LPGAT1: variants seen among roughly 807,000 people sequenced by gnomAD.
LPGAT1 encodes the protein lysophosphatidylglycerol acyltransferase 1.
LPGAT1 carries 11 observed loss-of-function variants against 47.5 expected under a neutral mutation model. That is an observed-to-expected ratio of 0.23 (90% CI 0.15 to 0.38). LPGAT1 has a LOEUF of 0.38. Among genes scored for constraint, LPGAT1 ranks in the 10% least tolerant of loss-of-function variants. LPGAT1 has a pLI of 1.00. For synonymous variants in LPGAT1, 138 were observed against 144.2 expected (o/e 0.96, Z 0.31); for missense variants, 293 against 439.0 (o/e 0.67, Z 2.97).
At chr1:211,785,826 C>T (rs1310291406) in intron 4 of LPGAT1, among the ~76,000 whole-genome samples, 11 of 151,990 alleles carry the variant, frequency 7.2e-5, no homozygotes, top group East Asian at 1.9e-4. Context: ...AGGCTGGCCT[C>T]GAACTCCTGG....
At position 211,830,381 on chromosome 1, in the gene LPGAT1, C is replaced by T. The variant is rs983856153; in HGVS notation, c.-28+192G>A. Reference sequence around the variant, plus strand: ...TCAGAGGCCGGACCTGTCACCCGGGCGGGTCCCGGGGAGGCGGGCGGATGC... The same window carrying T: ...TCAGAGGCCGGACCTGTCACCCGGGTGGGTCCCGGGGAGGCGGGCGGATGC... On this transcript the variant is annotated intron_variant, in intron 1 of 7. Coordinates refer to ENST00000366997, the MANE Select transcript of LPGAT1 (RefSeq NM_014873.3). The surrounding 1 kb of genome is among the most constrained non-coding windows in gnomAD (Gnocchi z 5.9). 5.7e-5 allele frequency: 67 copies of T among 1,167,878 alleles called. No individual in the cohort carries two copies. The highest frequency in any genetic ancestry group is 9.7e-5 in the African/African-American group (6 of 61,890). 72.3% of individuals were successfully genotyped at this position (1,167,878 alleles called of 1,614,324 possible).
At chr1:211,754,699 A>G (rs1657362417) in intron 6 of LPGAT1, among the ~76,000 whole-genome samples, 2 of 152,124 alleles carry the variant, frequency 1.3e-5, no homozygotes, top group African/African-American at 2.4e-5. Context: ...GGATTTGAAA[A>G]TTATAATGAT....
chr1:211,825,821 G>A (rs577212910), intron 2 of LPGAT1, among the ~76,000 whole-genome samples: 101 of 152,252 alleles, frequency 6.6e-4, no homozygotes, highest in Admixed American at 1.3e-3. Flanking sequence ...TTAGCTGGGT[G>A]TGGTGGCACA....
rs868618381 is a variant in LPGAT1, at chr1:211,747,448, T to C, written c.*2451A>G. ...CGTACTTGAAAAGTAAAGCATCTTA[T>C]AGAATAGTTTAATGTGTACAGTATA... is the stretch of plus-strand genomic sequence containing the variant. On this transcript the variant is annotated 3_prime_UTR_variant, in exon 8 of 8. Coordinates refer to ENST00000366997, the MANE Select transcript of LPGAT1 (RefSeq NM_014873.3). The C allele has an allele frequency of 6.6e-6, 1 of 152,204 alleles. No homozygotes were observed. The highest frequency in any genetic ancestry group is 2.4e-5 in the African/African-American group (1 of 41,450). 9.4% of individuals were successfully genotyped at this position (152,204 alleles called of 1,614,324 possible). A position where few individuals can be genotyped will look rare whatever the true frequency, so the allele number is the denominator to read the frequency against.
intron 6 of LPGAT1, among the ~76,000 whole-genome samples, chr1:211,770,779 T>C (rs1198159563): frequency 1.3e-5 from 2 of 152,150 alleles, no homozygotes; most frequent in Non-Finnish European, 2.9e-5. Flanking sequence ...TAGCTCCATA[T>C]ATAGTAGGCG....
Position 211,774,132 on chromosome 1 carries a change from C to CTTTTTTTTTTTTTTTTTTTTTTTTTTTTT in LPGAT1, c.854+4785_854+4786insAAAAAAAAAAAAAAAAAAAAAAAAAAAAA, listed in dbSNP as rs67342051. Among the ~76,000 whole-genome samples, 7 of 66,826 alleles carry CTTTTTTTTTTTTTTTTTTTTTTTTTTTTT rather than the reference C, an allele frequency of 1.0e-4. 1 individual carries two copies. Among genetic ancestry groups the CTTTTTTTTTTTTTTTTTTTTTTTTTTTTT allele is most frequent in the East Asian group, 6.2e-4 (1 of 1,612 alleles). 43.8% of individuals were successfully genotyped at this position (66,826 alleles called of 152,430 possible). On this transcript the variant is annotated intron_variant, in intron 6 of 7. Coordinates refer to ENST00000366997, the MANE Select transcript of LPGAT1 (RefSeq NM_014873.3). ...AAAGTGCTTTGTGTTTTTTAAAAGT[C>CTTTTTTTTTTTTTTTTTTTTTTTTTTTTT]TTTTTTTTTTTTTTTTTTTTGAGAC...
intron 4 of LPGAT1, among the ~76,000 whole-genome samples, chr1:211,786,693 C>T (rs1192021440): frequency 6.6e-6 from 1 of 152,138 alleles, no homozygotes; most frequent in Non-Finnish European, 1.5e-5. Context: ...TCTGGATTCA[C>T]ATAAAACTGA....
At chr1:211,798,323 T>C (rs1659430637) in intron 2 of LPGAT1, among the ~76,000 whole-genome samples, 1 of 152,160 alleles carries the variant, frequency 6.6e-6, no homozygotes, top group African/African-American at 2.4e-5. Flanking sequence ...AAAGTCACTT[T>C]TGGAATCACT....
intron 2 of LPGAT1, among the ~76,000 whole-genome samples, chr1:211,810,059 T>G (rs1210508717): frequency 1.3e-5 from 2 of 151,960 alleles, no homozygotes; most frequent in African/African-American, 4.8e-5. Flanking sequence ...GGAAAGGAAT[T>G]TTGAGATATT....
chr1:211,826,034 T>C (rs933041259), intron 2 of LPGAT1, among the ~76,000 whole-genome samples: 2 of 152,102 alleles, frequency 1.3e-5, no homozygotes, highest in African/African-American at 4.8e-5. Context: ...CAAACCCCAG[T>C]GTCTTCAGAG....
intron 2 of LPGAT1, among the ~76,000 whole-genome samples, chr1:211,818,482 T>C (rs1367581103): frequency 6.6e-6 from 1 of 152,224 alleles, no homozygotes; most frequent in African/African-American, 2.4e-5. Context: ...GAAATCTCCC[T>C]AATTTGAAAT....
At chr1:211,781,642 C>T (rs1411617391) in intron 5 of LPGAT1, among the ~76,000 whole-genome samples, 3 of 152,154 alleles carry the variant, frequency 2.0e-5, no homozygotes, top group Admixed American at 6.5e-5. Context: ...GTCCTGATTG[C>T]CACTTAAAAA....
At chr1:211,759,586 T>C (rs1222721633) in intron 6 of LPGAT1, among the ~76,000 whole-genome samples, 1 of 152,218 alleles carries the variant, frequency 6.6e-6, no homozygotes, top group African/African-American at 2.4e-5. Context: ...CTTTTTCTTA[T>C]TGAGATAAAT....
chr1:211,786,912 A>C (rs1449409864), intron 4 of LPGAT1, among the ~76,000 whole-genome samples: 2 of 152,178 alleles, frequency 1.3e-5, no homozygotes, highest in Non-Finnish European at 2.9e-5. Flanking sequence ...CACTGTTCTG[A>C]GTGCTTTATA....
intron 2 of LPGAT1, among the ~76,000 whole-genome samples, chr1:211,804,724 T>C (rs992195379): frequency 2.0e-5 from 3 of 152,190 alleles, no homozygotes; most frequent in African/African-American, 4.8e-5. Flanking sequence ...TTCTCTAATG[T>C]TGGGTCCTGG....
At chr1:211,790,489 G>A (rs1438363301) in intron 3 of LPGAT1, among the ~76,000 whole-genome samples, 2 of 152,124 alleles carry the variant, frequency 1.3e-5, no homozygotes, top group Non-Finnish European at 2.9e-5. Flanking sequence ...ATTCCTACTA[G>A]TGAATACAAA....
intron 6 of LPGAT1, among the ~76,000 whole-genome samples, chr1:211,775,351 A>G (rs1658351964): frequency 6.6e-6 from 1 of 152,146 alleles, no homozygotes; most frequent in South Asian, 2.1e-4. Flanking sequence ...CCACTGATTA[A>G]TGTTAAATAA....
chr1:211,784,504 A>G (rs1658773389), intron 4 of LPGAT1, among the ~76,000 whole-genome samples: 2 of 151,690 alleles, frequency 1.3e-5, no homozygotes, highest in Admixed American at 6.6e-5. Flanking sequence ...AAAAAAAAAA[A>G]AAAGAAAAAA....
At chr1:211,782,701 C>T (rs1658691997) in intron 5 of LPGAT1, among the ~76,000 whole-genome samples, 1 of 152,108 alleles carries the variant, frequency 6.6e-6, no homozygotes, top group African/African-American at 2.4e-5. Flanking sequence ...TACCACTGCA[C>T]TCCAGCCTGG....
Sources: gnomAD v4.1 joint callset for allele counts (sites outside exome capture counted in the v4.1 genomes callset) on GRCh38, gnomAD v4.1.1 for gene constraint, Gnocchi (gnomAD v3.1) non-coding constraint, MANE v1.5 for transcripts, NCBI Gene and HGNC (gene_info 2026-07-23, HGNC 2026-07-21) for gene names.